Variants in RFX3 observed in about 807,000 individuals in gnomAD.
RFX3 encodes regulatory factor X3.
A neutral mutation model predicts 98.6 loss-of-function variants in RFX3; 14 were observed. The observed-to-expected ratio is 0.14, with a 90% CI of 0.09 to 0.22. The LOEUF (loss-of-function observed/expected upper bound fraction) is 0.22, where lower values mean the gene tolerates loss of function less well. RFX3 is among the 10% of genes least tolerant of loss of function. The pLI is 1.00. For synonymous variants in RFX3, 383 were observed against 328.4 expected (o/e 1.17, Z -1.80); for missense variants, 639 against 926.9 (o/e 0.69, Z 4.03).
At chr9:3,375,708 C>G (rs1482275635) in intron 2 of RFX3, among the ~76,000 whole-genome samples, 1 of 152,172 alleles carries the variant, frequency 6.6e-6, no homozygotes, top group African/African-American at 2.4e-5. Flanking sequence ...CACCTGTAAT[C>G]CCAGCACCTT....
At chr9:3,440,945 C>A (rs1413824366) in intron 1 of RFX3, among the ~76,000 whole-genome samples, 1 of 152,018 alleles carries the variant, frequency 6.6e-6, no homozygotes, top group Non-Finnish European at 1.5e-5. Flanking sequence ...TAAATGATAA[C>A]CAATTGTCAA....
intron 4 of RFX3, among the ~76,000 whole-genome samples, chr9:3,309,724 C>T (rs1453132681): frequency 1.3e-5 from 2 of 152,110 alleles, no homozygotes; most frequent in African/African-American, 4.8e-5. Context: ...AAAGAAAAAA[C>T]ACATTTTCCC....
At chr9:3,227,135 A>G (rs1817873046) in intron 16 of RFX3, among the ~76,000 whole-genome samples, 2 of 152,176 alleles carry the variant, frequency 1.3e-5, no homozygotes, top group Non-Finnish European at 2.9e-5. Context: ...CTCCCTGTCC[A>G]CAGACTTCCC....
chr9:3,447,114 A>AC (rs1846122286), intron 1 of RFX3, among the ~76,000 whole-genome samples: 1 of 152,158 alleles, frequency 6.6e-6, no homozygotes, highest in Admixed American at 6.6e-5. Flanking sequence ...GTTAAAAAAA[A>AC]TTCACACCTT....
intron 3 of RFX3, among the ~76,000 whole-genome samples, chr9:3,337,791 C>A (rs1833363618): frequency 1.3e-5 from 2 of 152,168 alleles, no homozygotes; most frequent in African/African-American, 2.4e-5. Context: ...TCAATAAATT[C>A]TTTGTCTTAA....
intron 1 of RFX3, among the ~76,000 whole-genome samples, chr9:3,494,814 G>C (rs1850988124): frequency 6.6e-6 from 1 of 152,006 alleles, no homozygotes; most frequent in Non-Finnish European, 1.5e-5. Flanking sequence ...TCAATCTGCT[G>C]TTTTGTCTGA....
At chr9:3,461,153 A>C (rs972673917) in intron 1 of RFX3, among the ~76,000 whole-genome samples, 1 of 151,498 alleles carries the variant, frequency 6.6e-6, no homozygotes, top group Admixed American at 6.6e-5. Flanking sequence ...GCAAATGTTT[A>C]TAAAGCTCTT....
chr9:3,328,801 A>T (rs1320409303), intron 4 of RFX3, among the ~76,000 whole-genome samples: 1 of 152,186 alleles, frequency 6.6e-6, no homozygotes, highest in Admixed American at 6.5e-5. Context: ...CCATAAAATG[A>T]GAAATATAAA....
chr9:3,435,726 T>C (rs78476686), intron 1 of RFX3, among the ~76,000 whole-genome samples: 2 of 151,438 alleles, frequency 1.3e-5, no homozygotes, highest in African/African-American at 2.4e-5. Context: ...ATTATATTTA[T>C]TGATTGAATG....
intron 7 of RFX3, among the ~76,000 whole-genome samples, chr9:3,280,569 A>G (rs1382744360): frequency 1.3e-5 from 2 of 151,808 alleles, no homozygotes; most frequent in African/African-American, 2.4e-5. Context: ...GGAGTTTAAC[A>G]GGAAGTCAAG....
intron 1 of RFX3, among the ~76,000 whole-genome samples, chr9:3,432,317 G>C (rs911606942): frequency 6.6e-6 from 1 of 151,974 alleles, no homozygotes; most frequent in South Asian, 2.1e-4. Context: ...CTAGATAAAG[G>C]GTCATAAGGA....
intron 1 of RFX3, among the ~76,000 whole-genome samples, chr9:3,467,405 A>T (rs1306120401): frequency 1.3e-5 from 2 of 150,992 alleles, no homozygotes; most frequent in African/African-American, 4.9e-5. Context: ...TTTGTCAGTC[A>T]TAAGTAAAAG....
intron 3 of RFX3, chr9:3,344,840 A>G: frequency 1.4e-6 from 1 of 715,618 alleles, no homozygotes; most frequent in East Asian, 2.7e-5. Context: ...GTTTAAGTTT[A>G]TGGTGAAGAT....
chr9:3,505,288 T>TATATATATATGAATA (rs1564187113), intron 1 of RFX3, among the ~76,000 whole-genome samples: 2 of 67,460 alleles, frequency 3.0e-5, no homozygotes, highest in African/African-American at 1.5e-4. Context: ...ATATACATTT[T>TATATATATATGAATA]TATATTTATA....
chr9:3,337,688 A>G (rs1183397085), intron 3 of RFX3, among the ~76,000 whole-genome samples: 1 of 152,200 alleles, frequency 6.6e-6, no homozygotes, highest in South Asian at 2.1e-4. Context: ...GGTTTTGTGC[A>G]TGGTCTGGCT....
intron 1 of RFX3, among the ~76,000 whole-genome samples, chr9:3,460,511 T>A (rs1054254612): frequency 1.3e-5 from 2 of 152,048 alleles, no homozygotes; most frequent in African/African-American, 4.8e-5. Context: ...ACTCATCAAA[T>A]AAGATAAACC....
At chr9:3,241,174 G>C (rs1032986818) in intron 15 of RFX3, among the ~76,000 whole-genome samples, 2 of 151,358 alleles carry the variant, frequency 1.3e-5, no homozygotes, top group African/African-American at 4.9e-5. Context: ...AAATAGTATT[G>C]ACAGGCACTT....
In RFX3 at chr9:3,450,535, A is replaced by G. The variant is rs150072251; in HGVS notation, c.-8-54939T>C. 6.6e-4 allele frequency among the ~76,000 whole-genome samples: 100 copies of G among 152,234 alleles called. No individual in the cohort carries two copies. The East Asian group carries it at 0.016, about 25-fold the overall frequency. ...CATTTTTTTAAATCTTAGATGTCTG[A>G]AGGTGGAAGAAAGTATTATTCTTTA... On this transcript the variant is annotated intron_variant, in intron 1 of 16. Transcript: ENST00000617270.
At chr9:3,231,905 A>C (rs1183602535) in intron 15 of RFX3, among the ~76,000 whole-genome samples, 1 of 152,060 alleles carries the variant, frequency 6.6e-6, no homozygotes, top group Non-Finnish European at 1.5e-5. Context: ...CTCCACTAAA[A>C]ATATAAAAAT....
Sources: allele counts gnomAD v4.1 joint callset (sites outside exome capture counted in the v4.1 genomes callset), GRCh38; gene constraint gnomAD v4.1.1; transcripts MANE v1.5; gene names NCBI Gene and HGNC (gene_info 2026-07-23, HGNC 2026-07-21).